The following TMC2 variants were observed in gnomAD, a reference collection of about 807,000 sequenced individuals.
TMC2 encodes the protein transmembrane channel like 2, also known as transmembrane channel-like protein 2.
Under a neutral mutation model 105.9 loss-of-function variants are expected in TMC2, and 102 were observed. The observed-to-expected ratio is 0.96, with a 90% CI of 0.82 to 1.14. The LOEUF (loss-of-function observed/expected upper bound fraction) is 1.14. Among genes scored for constraint, TMC2 ranks in the 50% most tolerant of loss-of-function variants. The probability of loss-of-function intolerance (pLI) is 0.00; values close to 1 mark genes in which losing one functional copy is unlikely to be tolerated. For missense variants in TMC2, 1,093 were observed against 1,134.3 expected (o/e 0.96, Z 0.52); for synonymous variants, 402 against 422.8 (o/e 0.95, Z 0.60).
intron 18 of TMC2, 66 bp downstream of exon 18, chr20:2,636,070 T>G (rs1276787643): frequency 8.6e-6 from 12 of 1,393,450 alleles, no homozygotes; most frequent in African/African-American, 1.4e-5. Context: ...TTTGCTAATT[T>G]GCTGTGTGAG....
chr20:2,539,260 G>GA (rs1255261379), intron 2 of TMC2, among the ~76,000 whole-genome samples: 1 of 152,024 alleles, frequency 6.6e-6, no homozygotes, highest in African/African-American at 2.4e-5. Context: ...TTATGAAAGA[G>GA]AAAAAAACAG....
rs181904506 is a variant in TMC2, at chr20:2,596,140, A to G, written c.1077-1011A>G. On this transcript the variant is annotated intron_variant, in intron 9 of 19. Transcript: ENST00000358864. ...GCCAACATGTTAGGGAAGATGACAAACCCCTCATAGTATCTTATAGCACCC... is the reference window on the plus strand; with the variant it reads ...GCCAACATGTTAGGGAAGATGACAAGCCCCTCATAGTATCTTATAGCACCC... Among the ~76,000 whole-genome samples the G allele has an allele frequency of 8.2e-4, 125 of 152,160 alleles. 1 individual carries two copies. The highest frequency in any genetic ancestry group is 2.7e-3 in the African/African-American group (114 of 41,528).
At chr20:2,544,205 C>T (rs531182422) in intron 2 of TMC2, among the ~76,000 whole-genome samples, 10 of 151,938 alleles carry the variant, frequency 6.6e-5, no homozygotes, top group Middle Eastern at 3.4e-3. Context: ...CATGAGCCAA[C>T]GCACCCAGCC....
intron 11 of TMC2, among the ~76,000 whole-genome samples, chr20:2,602,804 C>T (rs1034296292): frequency 2.6e-5 from 4 of 152,208 alleles, no homozygotes; most frequent in Admixed American, 6.5e-5. Flanking sequence ...AAACCTCTTT[C>T]GGGAATTTGA....
At chr20:2,550,443 T>C (rs899966387) in intron 2 of TMC2, among the ~76,000 whole-genome samples, 1 of 152,230 alleles carries the variant, frequency 6.6e-6, no homozygotes, top group Admixed American at 6.5e-5. Flanking sequence ...GCATGTCGCA[T>C]TGGGTGTGCT....
chr20:2,583,869 A>G (rs2086212565), intron 7 of TMC2, among the ~76,000 whole-genome samples: 1 of 152,204 alleles, frequency 6.6e-6, no homozygotes, highest in African/African-American at 2.4e-5. Flanking sequence ...CGAAGGACCC[A>G]GCTAAGCCAT....
At chr20:2,590,046 G>C (rs904289950) in intron 7 of TMC2, among the ~76,000 whole-genome samples, 2 of 152,120 alleles carry the variant, frequency 1.3e-5, no homozygotes, top group African/African-American at 4.8e-5. Flanking sequence ...ATACATTATA[G>C]TATGTCCATA....
chr20:2,539,994 T>TCTTTTC (rs35517389), intron 2 of TMC2, among the ~76,000 whole-genome samples: 30 of 138,102 alleles, frequency 2.2e-4, no homozygotes, highest in African/African-American at 7.1e-4. Context: ...TCTTTTCTTT[T>TCTTTTC]TTTTTTTTTT....
Position 2,592,482 on chromosome 20 carries a change from A to G in TMC2, c.933+74A>G, listed in dbSNP as rs1600117668. 1 of 1,029,648 alleles carries G rather than the reference A, an allele frequency of 9.7e-7. No individual in the cohort carries two copies. The highest frequency in any genetic ancestry group is 2.4e-5 in the East Asian group (1 of 42,036). The allele number at this position is 1,029,648 out of a possible 1,614,324, so 63.8% of individuals were successfully genotyped here. On this transcript the variant is annotated intron_variant, in intron 8 of 19. Transcript: ENST00000358864. The surrounding 1 kb of genome is among the most constrained non-coding windows in gnomAD (Gnocchi z 4.9). ...TAAAGATTGCATGGATAAGTATGAAATAGTGCGTTTAATTATTGAAAAACC... is the reference window on the plus strand; with the variant it reads ...TAAAGATTGCATGGATAAGTATGAAGTAGTGCGTTTAATTATTGAAAAACC...
At chr20:2,539,666 G>T (rs2085875516) in intron 2 of TMC2, among the ~76,000 whole-genome samples, 1 of 152,120 alleles carries the variant, frequency 6.6e-6, no homozygotes, top group South Asian at 2.1e-4. Flanking sequence ...TCTCTTAGGG[G>T]TCATGGCTGT....
chr20:2,573,494 G>A (rs1302780039), intron 5 of TMC2, among the ~76,000 whole-genome samples: 1 of 147,166 alleles, frequency 6.8e-6, no homozygotes, highest in Non-Finnish European at 1.5e-5. Flanking sequence ...ACAAATTTTT[G>A]TGCTAATTTT....
At chr20:2,602,039 T>C (rs1008636223) in intron 10 of TMC2, 74 bp from the exon 11 acceptor site, 4 of 1,059,510 alleles carry the variant, frequency 3.8e-6, no homozygotes, top group Non-Finnish European at 5.5e-6. Flanking sequence ...AAGTACTATT[T>C]TCAGGGACCC....
At chr20:2,580,858 T>C (rs1366644814) in intron 7 of TMC2, among the ~76,000 whole-genome samples, 1 of 152,186 alleles carries the variant, frequency 6.6e-6, no homozygotes, top group Non-Finnish European at 1.5e-5. Context: ...ATAAGATCAT[T>C]GTGAATTGGA....
intron 4 of TMC2, among the ~76,000 whole-genome samples, chr20:2,567,688 C>T (rs1222232413): frequency 6.6e-6 from 1 of 152,092 alleles, no homozygotes; most frequent in Non-Finnish European, 1.5e-5. Flanking sequence ...TGAGCCACAC[C>T]TTGCCCGACA....
chr20:2,631,832 A>T (rs559787850), intron 17 of TMC2, among the ~76,000 whole-genome samples: 3 of 152,182 alleles, frequency 2.0e-5, no homozygotes, highest in African/African-American at 4.8e-5. Flanking sequence ...AAATCTGATT[A>T]AAAATAGCCA....
At chr20:2,546,751 A>C (rs2085928797) in intron 2 of TMC2, among the ~76,000 whole-genome samples, 1 of 152,186 alleles carries the variant, frequency 6.6e-6, no homozygotes, top group Non-Finnish European at 1.5e-5. Flanking sequence ...AGTTTAAGGA[A>C]GCTTTGGGGG....
intron 7 of TMC2, among the ~76,000 whole-genome samples, chr20:2,584,304 C>A (rs1201174017): frequency 6.8e-6 from 1 of 146,288 alleles, no homozygotes; most frequent in East Asian, 1.9e-4. Flanking sequence ...ATTAGCCGGG[C>A]GTAGTGGCGG....
intron 5 of TMC2, among the ~76,000 whole-genome samples, chr20:2,573,406 G>A (rs1345352798): frequency 6.6e-6 from 1 of 151,804 alleles, no homozygotes; most frequent in Non-Finnish European, 1.5e-5. Flanking sequence ...CTGCACATTT[G>A]ATAGCCTAGT....
intron 2 of TMC2, among the ~76,000 whole-genome samples, chr20:2,550,366 A>G (rs2085949529): frequency 6.6e-6 from 1 of 152,096 alleles, no homozygotes; most frequent in African/African-American, 2.4e-5. Flanking sequence ...TAAAAATTAA[A>G]ATAAAAAACT....
Sources: gnomAD v4.1 joint callset for allele counts (sites outside exome capture counted in the v4.1 genomes callset) on GRCh38, gnomAD v4.1.1 for gene constraint, Gnocchi (gnomAD v3.1) non-coding constraint, MANE v1.5 for transcripts, NCBI Gene and HGNC (gene_info 2026-07-23, HGNC 2026-07-21) for gene names.